ANKS1B: variants seen among roughly 807,000 people sequenced by gnomAD.
The protein encoded by ANKS1B is ankyrin repeat and sterile alpha motif domain containing 1B, also known as ankyrin repeat and sterile alpha motif domain-containing protein 1B.
In ANKS1B, 36 loss-of-function variants were observed where a neutral mutation model predicts 148.3. That is an observed-to-expected ratio of 0.24 (90% CI 0.19 to 0.32). The LOEUF (loss-of-function observed/expected upper bound fraction) is 0.32. Ranked by LOEUF, ANKS1B falls within the 10% of genes least tolerant of loss-of-function variation. ANKS1B has a pLI of 1.00. For synonymous variants in ANKS1B, 542 were observed against 560.8 expected, an observed-to-expected ratio of 0.97 and a Z score of 0.47; for missense variants, 1,157 against 1,542.6, an observed-to-expected ratio of 0.75 and a Z score of 4.19.
At chr12:99,919,045 T>C (rs1400980851) in intron 1 of ANKS1B, among the ~76,000 whole-genome samples, 2 of 152,214 alleles carry the variant, frequency 1.3e-5, no homozygotes, top group Non-Finnish European at 1.5e-5. Context: ...TAAACTCCTT[T>C]GTACTAGCTA....
At chr12:99,017,736 G>A (rs2099943391) in intron 17 of ANKS1B, among the ~76,000 whole-genome samples, 1 of 152,146 alleles carries the variant, frequency 6.6e-6, no homozygotes, top group Non-Finnish European at 1.5e-5. Flanking sequence ...TCTCCCACGT[G>A]AGTTAGCTTT....
chr12:99,342,821 T>G (rs977891086), intron 12 of ANKS1B, among the ~76,000 whole-genome samples: 3 of 149,912 alleles, frequency 2.0e-5, no homozygotes, highest in Admixed American at 6.6e-5. Context: ...TTAAGTAGAT[T>G]AGTTTTTTCT....
chr12:99,267,638 A>G (rs2076581504), intron 12 of ANKS1B, among the ~76,000 whole-genome samples: 1 of 152,194 alleles, frequency 6.6e-6, no homozygotes, highest in Non-Finnish European at 1.5e-5. Context: ...AGTGACAAAA[A>G]TTAATCAAAC....
At chr12:99,025,555 G>A (rs1042242333) in intron 17 of ANKS1B, among the ~76,000 whole-genome samples, 18 of 152,168 alleles carry the variant, frequency 1.2e-4, no homozygotes, top group African/African-American at 3.9e-4. Context: ...TGGACCTGGG[G>A]TCACTGTAGA....
chr12:99,130,216 C>T (rs1262940048), intron 15 of ANKS1B, among the ~76,000 whole-genome samples: 1 of 152,140 alleles, frequency 6.6e-6, no homozygotes, highest in East Asian at 1.9e-4. Context: ...ATTTCTTCCA[C>T]TTTTATTTCT....
chr12:99,947,369 A>T (rs1204496503), intron 1 of ANKS1B, among the ~76,000 whole-genome samples: 1 of 152,082 alleles, frequency 6.6e-6, no homozygotes, highest in East Asian at 1.9e-4. Flanking sequence ...GCTAGTCATC[A>T]TGAAGCCATT....
chr12:99,213,424 T>G (rs2153921385), intron 14 of ANKS1B, among the ~76,000 whole-genome samples: 1 of 152,348 alleles, frequency 6.6e-6, no homozygotes, highest in South Asian at 2.1e-4. Flanking sequence ...TTGTGGCAAC[T>G]CCCGAAGTCT....
chr12:99,933,006 T>C (rs1195782157), intron 1 of ANKS1B, among the ~76,000 whole-genome samples: 1 of 152,188 alleles, frequency 6.6e-6, no homozygotes, highest in Non-Finnish European at 1.5e-5. Context: ...CCAGCACCAT[T>C]TACTGAAGAG....
intron 14 of ANKS1B, among the ~76,000 whole-genome samples, chr12:99,174,543 G>T (rs922868907): frequency 1.3e-5 from 2 of 151,880 alleles, no homozygotes; most frequent in African/African-American, 4.8e-5. Flanking sequence ...TAAAAGTTAG[G>T]GTCTCTCTCC....
chr12:99,151,267 C>G (rs537252408), intron 15 of ANKS1B, among the ~76,000 whole-genome samples: 1 of 152,198 alleles, frequency 6.6e-6, no homozygotes, highest in East Asian at 1.9e-4. Flanking sequence ...GTGGCTCATG[C>G]CTGTAATCTC....
chr12:99,412,956 A>C (rs1208726022), intron 11 of ANKS1B, among the ~76,000 whole-genome samples: 1 of 152,206 alleles, frequency 6.6e-6, no homozygotes, highest in Non-Finnish European at 1.5e-5. Context: ...GGTTGTTATG[A>C]ATATGATGTT....
At chr12:99,365,824 G>A (rs969985399) in intron 12 of ANKS1B, among the ~76,000 whole-genome samples, 8 of 152,146 alleles carry the variant, frequency 5.3e-5, no homozygotes, top group Non-Finnish European at 8.8e-5. Flanking sequence ...TAGTACAAGA[G>A]TTCCTTGGAG....
intron 4 of ANKS1B, among the ~76,000 whole-genome samples, chr12:99,790,767 C>T (rs575046634): frequency 5.4e-4 from 82 of 151,064 alleles, no homozygotes; most frequent in African/African-American, 1.4e-3. Flanking sequence ...ACAATGGGTA[C>T]GCAAAAAAAT....
intron 25 of ANKS1B, among the ~76,000 whole-genome samples, chr12:98,756,433 G>A (rs915368565): frequency 2.0e-5 from 3 of 151,870 alleles, no homozygotes; most frequent in Non-Finnish European, 4.4e-5. Flanking sequence ...ACCCAGTCTC[G>A]GGTATGTCTT....
At chr12:99,553,933 G>A (rs974941320) in intron 9 of ANKS1B, among the ~76,000 whole-genome samples, 1 of 152,178 alleles carries the variant, frequency 6.6e-6, no homozygotes, top group African/African-American at 2.4e-5. Context: ...GGTCTACTGT[G>A]TCTCAATCCT....
rs1038513827 is a variant in ANKS1B at position 99,405,500 on chromosome 12, T to C, written c.1576-5689A>G. Among the ~76,000 whole-genome samples the C allele has an allele frequency of 2.8e-4, 41 of 145,058 alleles. 6 individuals are homozygous for C. Among genetic ancestry groups the C allele is most frequent in the African/African-American group, 1.1e-3 (41 of 38,018 alleles). On this transcript the variant is annotated intron_variant, in intron 11 of 26. Coordinates refer to ENST00000683438, the MANE Select transcript of ANKS1B (RefSeq NM_001352186.2). ...AAAATAATGGATTATAAAAAATTATTTGCAAGCCTTAAGGTAAATTCAAAT... is the reference window on the plus strand; with the variant it reads ...AAAATAATGGATTATAAAAAATTATCTGCAAGCCTTAAGGTAAATTCAAAT...
intron 14 of ANKS1B, chr12:99,154,885 G>A (rs1200423519): frequency 5.2e-6 from 8 of 1,534,702 alleles, no homozygotes; most frequent in South Asian, 4.8e-5. Context: ...GCTACACCTC[G>A]CATTTTCAAT....
chr12:99,177,453 C>T (rs770344735), intron 14 of ANKS1B, among the ~76,000 whole-genome samples: 5 of 152,090 alleles, frequency 3.3e-5, no homozygotes, highest in Non-Finnish European at 5.9e-5. Context: ...GAGCATGAGC[C>T]GCTGGTACAA....
intron 14 of ANKS1B, among the ~76,000 whole-genome samples, chr12:99,190,884 A>G (rs1412033620): frequency 6.6e-6 from 1 of 152,194 alleles, no homozygotes; most frequent in African/African-American, 2.4e-5. Context: ...CAGCAAAATA[A>G]ACTATCATGA....
Sources: allele counts gnomAD v4.1 joint callset (sites outside exome capture counted in the v4.1 genomes callset), GRCh38; gene constraint gnomAD v4.1.1; transcripts MANE v1.5; gene names NCBI Gene and HGNC (gene_info 2026-07-23, HGNC 2026-07-21).